The following BPNT1 variants were observed in gnomAD, a reference collection of about 807,000 sequenced individuals.
BPNT1 encodes the protein 3'(2'),5'-bisphosphate nucleotidase 1.
In BPNT1, 28 loss-of-function variants were observed where a neutral mutation model predicts 36.9. That is an observed-to-expected ratio of 0.76 (90% CI 0.56 to 1.04). The LOEUF (loss-of-function observed/expected upper bound fraction) is 1.04. BPNT1 is among the 50% of genes least tolerant of loss of function. BPNT1 has a pLI of 0.00. For synonymous variants in BPNT1, 119 were observed against 130.9 expected, an observed-to-expected ratio of 0.91 and a Z score of 0.62; for missense variants, 313 against 372.9, an observed-to-expected ratio of 0.84 and a Z score of 1.32.
At chr1:220,080,310 T>G (rs1030655362) in intron 1 of BPNT1, among the ~76,000 whole-genome samples, 13 of 152,142 alleles carry the variant, frequency 8.5e-5, no homozygotes, top group Non-Finnish European at 4.4e-5. Context: ...GTATGAATAG[T>G]ATAAGGGATG....
chr1:220,064,622 G>T (rs1339043044), intron 6 of BPNT1, among the ~76,000 whole-genome samples: 1 of 152,076 alleles, frequency 6.6e-6, no homozygotes, highest in African/African-American at 2.4e-5. Context: ...ATTGGGAAGA[G>T]GGGTGGTCCT....
intron 6 of BPNT1, among the ~76,000 whole-genome samples, chr1:220,064,800 A>G (rs1027272216): frequency 3.9e-5 from 6 of 151,974 alleles, no homozygotes; most frequent in African/African-American, 1.4e-4. Flanking sequence ...TAAGGAAGCT[A>G]TTTATTTTTT....
At chr1:220,078,024 C>T (rs1571785242) in intron 2 of BPNT1, among the ~76,000 whole-genome samples, 1 of 151,438 alleles carries the variant, frequency 6.6e-6, no homozygotes. Flanking sequence ...AAAATAAAAA[C>T]ATTAGCTAGG....
At position 220,074,408 on chromosome 1, in the gene BPNT1, C is replaced by T. The variant is rs1031507614; in HGVS notation, c.121-337G>A. The stretch of plus-strand genomic sequence containing the variant: ...GTTAATAGTTATTAGAAAAGTGTTC[C>T]GTGGATCTTTCTATAACTTCCACAC... On this transcript the variant is annotated intron_variant, in intron 2 of 8. Coordinates refer to ENST00000322067, the MANE Select transcript of BPNT1 (RefSeq NM_006085.6). Among the ~76,000 whole-genome samples, 5 of 151,966 alleles carry T rather than the reference C, an allele frequency of 3.3e-5. No individual in the cohort carries two copies. In the South Asian group the frequency reaches 6.2e-4, roughly 19 times the overall value.
intron 2 of BPNT1, among the ~76,000 whole-genome samples, chr1:220,077,770 C>T (rs982833423): frequency 1.2e-4 from 19 of 152,058 alleles, no homozygotes; most frequent in African/African-American, 4.3e-4. Context: ...TGACTTAACT[C>T]ACTCTATTTT....
chr1:220,068,152 A>T (rs550177370), intron 5 of BPNT1, among the ~76,000 whole-genome samples: 5 of 152,220 alleles, frequency 3.3e-5, no homozygotes, highest in African/African-American at 1.2e-4. Flanking sequence ...GTAGACCTTA[A>T]TTTAATTTTA....
rs192963931 is a variant in BPNT1 at position 220,071,967 on chromosome 1, G to A, written c.333+883C>T. Reference sequence around the variant, plus strand: ...CTCCCAAAGTGCTGGGATTATAGGCGTGAGCCACCATGGCCAGCGTGAAAC... The same window carrying A: ...CTCCCAAAGTGCTGGGATTATAGGCATGAGCCACCATGGCCAGCGTGAAAC... On this transcript the variant is annotated intron_variant, in intron 4 of 8. Coordinates refer to ENST00000322067, the MANE Select transcript of BPNT1 (RefSeq NM_006085.6). 3.3e-5 allele frequency among the ~76,000 whole-genome samples: 5 copies of A among 152,218 alleles called. No homozygotes were observed. The South Asian group carries it at 6.2e-4, about 19-fold the overall frequency.
At position 220,058,883 on chromosome 1, in the gene BPNT1, G is replaced by A. The variant is rs777395427; in HGVS notation, c.888C>T (p.Ser296=). The A allele has an allele frequency of 6.2e-7, 1 of 1,613,932 alleles. No homozygotes were observed. The highest frequency in any genetic ancestry group is 8.5e-7 in the Non-Finnish European group (1 of 1,180,006). The change falls in exon 9 of 9, where the codon AGC becomes AGT. Residue 296 remains serine, a synonymous_variant. Coordinates refer to ENST00000322067, the MANE Select transcript of BPNT1 (RefSeq NM_006085.6). ...ATLRNYDYYA[S]RVPESIKNAL... is the part of the protein sequence containing the mutation. ...CATTTTTAATAGATTCTGGAACTCG[G>A]CTTGCATAGTAGTCATAATTCCTCA...
At chr1:220,080,065 G>A (rs142877637) in intron 1 of BPNT1, among the ~76,000 whole-genome samples, 1 of 152,280 alleles carries the variant, frequency 6.6e-6, no homozygotes, top group African/African-American at 2.4e-5. Flanking sequence ...TATTTTTTAT[G>A]TCTCTCTGCA....
intron 3 of BPNT1, among the ~76,000 whole-genome samples, chr1:220,073,184 T>G (rs1241378858): frequency 2.0e-5 from 3 of 152,222 alleles, no homozygotes; most frequent in African/African-American, 7.2e-5. Flanking sequence ...GAAGAGAGTT[T>G]AAAAAGAAAA....
chr1:220,058,921 C>G lies in BPNT1; in HGVS notation c.850G>C (p.Val284Leu). 6.2e-7 allele frequency: 1 copy of G among 1,613,964 alleles called. No homozygotes were observed. The highest frequency in any genetic ancestry group is 8.5e-7 in the Non-Finnish European group (1 of 1,179,840). ...KDVKHMNSAG[V>L]LATLRNYDYY... ...TCATAATTCCTCAGTGTGGCCAGGA[C>G]TCCTGCAGAGTTCATATGCTTCACA... The change falls in exon 9 of 9, where the codon GTC becomes CTC. Residue 284 changes from valine to leucine, a missense_variant. Transcript: ENST00000322067.
At chr1:220,068,165 A>G (rs1242445661) in intron 5 of BPNT1, among the ~76,000 whole-genome samples, 2 of 152,110 alleles carry the variant, frequency 1.3e-5, no homozygotes, top group African/African-American at 2.4e-5. Flanking sequence ...TAATTTTATC[A>G]TCATCATCAT....
At chr1:220,075,382 A>G (rs898774900) in intron 2 of BPNT1, among the ~76,000 whole-genome samples, 1 of 152,220 alleles carries the variant, frequency 6.6e-6, no homozygotes, top group Non-Finnish European at 1.5e-5. Flanking sequence ...CAATGAGATA[A>G]GAAGTCATTA....
At chr1:220,075,603 G>A (rs564362524) in intron 2 of BPNT1, among the ~76,000 whole-genome samples, 31 of 152,096 alleles carry the variant, frequency 2.0e-4, no homozygotes, top group Non-Finnish European at 3.4e-4. Flanking sequence ...CAAGTTTGTA[G>A]ACCACTGCGG....
Position 220,058,209 on chromosome 1 carries a change from A to G in BPNT1, c.*635T>C. ...AAAAGAGAAATCTGGTTTAGAAGAT[A>G]GGAATGTTCATTGAACATTGACCTG... On this transcript the variant is annotated 3_prime_UTR_variant, in exon 9 of 9. Transcript: ENST00000322067. 1 of 997,362 alleles carries G rather than the reference A, an allele frequency of 1.0e-6. No homozygotes were observed. The highest frequency in any genetic ancestry group is 1.2e-6 in the Non-Finnish European group (1 of 836,024). 61.8% of individuals were successfully genotyped at this position (997,362 alleles called of 1,614,324 possible). A position where few individuals can be genotyped will look rare whatever the true frequency, so the allele number is the denominator to read the frequency against.
chr1:220,064,225 T>C (rs1663322722), intron 6 of BPNT1, among the ~76,000 whole-genome samples: 1 of 152,248 alleles, frequency 6.6e-6, no homozygotes, highest in African/African-American at 2.4e-5. Flanking sequence ...AAAGATGATA[T>C]TCTTAAACAC....
intron 1 of BPNT1, among the ~76,000 whole-genome samples, chr1:220,085,524 C>T (rs1655632469): frequency 6.6e-6 from 1 of 152,152 alleles, no homozygotes; most frequent in Non-Finnish European, 1.5e-5. Context: ...ATGAGTAACA[C>T]GTGTAAAGAA....
intron 1 of BPNT1, among the ~76,000 whole-genome samples, chr1:220,083,330 C>T (rs111361334): frequency 0.14 from 20,668 of 144,408 alleles, 1,512 homozygotes; most frequent in Middle Eastern, 0.2. Context: ...ACGGGTTTCT[C>T]TTTTTTTTTT....
At chr1:220,068,023 C>G (rs928816853) in intron 5 of BPNT1, among the ~76,000 whole-genome samples, 2 of 152,136 alleles carry the variant, frequency 1.3e-5, no homozygotes, top group Admixed American at 1.3e-4. Context: ...CATGTATACA[C>G]ACACTGTGAT....
Sources: allele counts gnomAD v4.1 joint callset (sites outside exome capture counted in the v4.1 genomes callset), GRCh38; gene constraint gnomAD v4.1.1; transcripts MANE v1.5; gene names NCBI Gene and HGNC (gene_info 2026-07-23, HGNC 2026-07-21).